PRKG1: variants seen among roughly 807,000 people sequenced by gnomAD.
PRKG1 encodes the protein protein kinase cGMP-dependent 1, also known as cGMP-dependent protein kinase 1.
A neutral mutation model predicts 88.1 loss-of-function variants in PRKG1; 35 were observed. The ratio of observed to expected loss-of-function variants is 0.40; its 90% CI spans 0.30 to 0.53. The LOEUF (loss-of-function observed/expected upper bound fraction) is 0.53. PRKG1 is among the 20% of genes least tolerant of loss of function. The pLI is 0.59. For synonymous variants in PRKG1, 303 were observed against 292.5 expected, an observed-to-expected ratio of 1.04 and a Z score of -0.37; for missense variants, 540 against 839.8, an observed-to-expected ratio of 0.64 and a Z score of 4.41.
chr10:51,127,944 A>G (rs1845471994), intron 1 of PRKG1, among the ~76,000 whole-genome samples: 2 of 151,978 alleles, frequency 1.3e-5, no homozygotes, highest in South Asian at 4.1e-4. Context: ...AATATCACAC[A>G]CCGAAGCCTG....
At chr10:51,983,027 C>T (rs1158551062) in intron 5 of PRKG1, among the ~76,000 whole-genome samples, 2 of 151,926 alleles carry the variant, frequency 1.3e-5, no homozygotes, top group African/African-American at 4.8e-5. Context: ...GTGCTGCGGG[C>T]CCTCTTTGTG....
intron 2 of PRKG1, among the ~76,000 whole-genome samples, chr10:51,268,020 G>A (rs556424838): frequency 6.6e-6 from 1 of 152,214 alleles, no homozygotes; most frequent in African/African-American, 2.4e-5. Flanking sequence ...GAAATAAAGG[G>A]ACAGAGTACA....
intron 3 of PRKG1, among the ~76,000 whole-genome samples, chr10:51,513,589 C>G (rs4249516): frequency 0.31 from 13,741 of 44,452 alleles, 2,236 homozygotes; most frequent in African/African-American, 0.62. Flanking sequence ...TGACCACATA[C>G]TTGGAAGTAA....
At chr10:51,497,106 C>G (rs1840881351) in intron 3 of PRKG1, among the ~76,000 whole-genome samples, 1 of 152,188 alleles carries the variant, frequency 6.6e-6, no homozygotes, top group African/African-American at 2.4e-5. Flanking sequence ...ACATACAGTA[C>G]TAGCTAGTTG....
chr10:51,915,739 G>A (rs1016217111), intron 5 of PRKG1, among the ~76,000 whole-genome samples: 3 of 152,082 alleles, frequency 2.0e-5, no homozygotes, highest in Non-Finnish European at 4.4e-5. Context: ...ATTTTTACAA[G>A]ACACTTACAG....
chr10:51,198,860 A>G (rs1283287716), intron 2 of PRKG1, among the ~76,000 whole-genome samples: 2 of 152,226 alleles, frequency 1.3e-5, no homozygotes, highest in African/African-American at 2.4e-5. Context: ...AGATTTAGTT[A>G]TCCGTAGATT....
intron 5 of PRKG1, among the ~76,000 whole-genome samples, chr10:51,949,316 A>G (rs1033999754): frequency 6.6e-6 from 1 of 152,142 alleles, no homozygotes; most frequent in Non-Finnish European, 1.5e-5. Context: ...GGCTTTGAAT[A>G]AGAAATTTGG....
intron 5 of PRKG1, among the ~76,000 whole-genome samples, chr10:51,991,536 C>G (rs181812227): frequency 6.6e-6 from 1 of 152,274 alleles, no homozygotes; most frequent in East Asian, 1.9e-4. Flanking sequence ...CCCCACTCCC[C>G]CAGCCCATGA....
chr10:51,001,162 T>C (rs748753230), intron 1 of PRKG1, among the ~76,000 whole-genome samples: 5 of 152,230 alleles, frequency 3.3e-5, no homozygotes, highest in Non-Finnish European at 7.3e-5. Flanking sequence ...GGTCCATGGC[T>C]GAAGAGGCCA....
At chr10:52,110,964 A>C (rs1216966693) in intron 7 of PRKG1, among the ~76,000 whole-genome samples, 1 of 152,184 alleles carries the variant, frequency 6.6e-6, no homozygotes, top group Admixed American at 6.5e-5. Flanking sequence ...ATGGCCAAGA[A>C]ATGTTCACCA....
intron 3 of PRKG1, among the ~76,000 whole-genome samples, chr10:51,802,457 C>T (rs1259438364): frequency 6.6e-6 from 1 of 152,058 alleles, no homozygotes; most frequent in Non-Finnish European, 1.5e-5. Flanking sequence ...CATTTTTCAA[C>T]ACATAGATAA....
In PRKG1 at chr10:51,735,760, G is replaced by T. The variant is rs193112441; in HGVS notation, c.593-68825G>T. On this transcript the variant is annotated intron_variant, in intron 3 of 17. Transcript: ENST00000373980. ...TATTTAGGAATAATGACAAGGGAAAGTCTATATGTGTTTGGTACAGAGGCA... is the reference window on the plus strand; with the variant it reads ...TATTTAGGAATAATGACAAGGGAAATTCTATATGTGTTTGGTACAGAGGCA... Among the ~76,000 whole-genome samples the T allele has an allele frequency of 2.6e-3, 392 of 151,076 alleles. 1 individual carries two copies. The highest frequency in any genetic ancestry group is 4.5e-3 in the Non-Finnish European group (307 of 67,832).
At chr10:51,430,797 GA>G (rs1342453132) in intron 2 of PRKG1, among the ~76,000 whole-genome samples, 2 of 152,132 alleles carry the variant, frequency 1.3e-5, no homozygotes, top group Non-Finnish European at 2.9e-5. Context: ...CAACATAGAT[GA>G]ACCTCAAAAA....
chr10:51,076,543 A>G (rs1843957302), intron 1 of PRKG1, among the ~76,000 whole-genome samples: 1 of 152,216 alleles, frequency 6.6e-6, no homozygotes, highest in East Asian at 1.9e-4. Context: ...TTTGAGTGAC[A>G]CAGAGCAAAC....
intron 9 of PRKG1, among the ~76,000 whole-genome samples, chr10:52,227,323 C>A (rs1034781360): frequency 4.6e-5 from 7 of 152,044 alleles, no homozygotes; most frequent in African/African-American, 1.7e-4. Flanking sequence ...TATAGTCAAT[C>A]CCCTGTATCC....
chr10:51,466,244 C>G (rs1839901716), intron 2 of PRKG1, among the ~76,000 whole-genome samples: 2 of 152,146 alleles, frequency 1.3e-5, no homozygotes, highest in Admixed American at 6.5e-5. Flanking sequence ...ATTTACCGGA[C>G]TGATTTTGAT....
At chr10:51,239,560 A>G (rs1359687208) in intron 2 of PRKG1, among the ~76,000 whole-genome samples, 1 of 152,160 alleles carries the variant, frequency 6.6e-6, no homozygotes, top group East Asian at 1.9e-4. Flanking sequence ...ATATCTTTAC[A>G]TGTTCCTAAT....
chr10:51,240,925 G>C (rs1383384800), intron 2 of PRKG1, among the ~76,000 whole-genome samples: 1 of 152,200 alleles, frequency 6.6e-6, no homozygotes, highest in African/African-American at 2.4e-5. Flanking sequence ...TTTTCTAAAA[G>C]ATGGATTGAA....
Position 51,635,538 on chromosome 10 carries a change from G to T in PRKG1, c.592+167702G>T, listed in dbSNP as rs542939564. 4.6e-5 allele frequency among the ~76,000 whole-genome samples: 7 copies of T among 152,146 alleles called. No homozygotes were observed. The East Asian group carries it at 1.4e-3, about 29-fold the overall frequency. ...CACTTGTGGGTCAGGTGTCATAAAA[G>T]GCACCTTTTGACCATACTTGGGTGT... On this transcript the variant is annotated intron_variant, in intron 3 of 17. Transcript: ENST00000373980.
Sources: allele counts gnomAD v4.1 joint callset (sites outside exome capture counted in the v4.1 genomes callset), GRCh38; gene constraint gnomAD v4.1.1; transcripts MANE v1.5; gene names NCBI Gene and HGNC (gene_info 2026-07-23, HGNC 2026-07-21).